Variants in CHRND observed in about 807,000 individuals in gnomAD.
CHRND encodes the protein cholinergic receptor nicotinic delta subunit, also known as acetylcholine receptor subunit delta.
In CHRND, 40 loss-of-function variants were observed where a neutral mutation model predicts 57.8. The observed-to-expected ratio is 0.69, with a 90% confidence interval of 0.54 to 0.90. CHRND has a LOEUF of 0.90. Among genes scored for constraint, CHRND ranks in the 40% least tolerant of loss-of-function variants. The pLI is 0.00. For synonymous variants in CHRND, 237 were observed against 270.6 expected, an observed-to-expected ratio of 0.88 and a Z score of 1.22; for missense variants, 634 against 673.9, an observed-to-expected ratio of 0.94 and a Z score of 0.66.
chr2:232,535,030 A>G, intron 11 of CHRND, 100 bp from the exon 12 acceptor site: 1 of 1,438,672 alleles, frequency 7.0e-7, no homozygotes, highest in African/African-American at 1.4e-5. Flanking sequence ...CTGCAGGCAC[A>G]CTGAGCCGCC....
At chr2:232,526,328 C>A in intron 1 of CHRND, 61 bp downstream of exon 1, 1 of 1,565,444 alleles carries the variant, frequency 6.4e-7, no homozygotes, top group East Asian at 2.3e-5. Flanking sequence ...GGCCCCACAC[C>A]GCATGGCTCC....
chr2:232,533,659 CACG>C (rs1382781801), intron 9 of CHRND, among the ~76,000 whole-genome samples: 1 of 152,196 alleles, frequency 6.6e-6, no homozygotes, highest in African/African-American at 2.4e-5. Context: ...TCAGGCAGAT[CACG>C]AGGTCAGGAG....
In CHRND at chr2:232,535,335, G is replaced by A; in HGVS notation, c.*23G>A. The A allele has an allele frequency of 1.2e-6, 2 of 1,610,452 alleles. No individual in the cohort carries two copies. Among genetic ancestry groups the A allele is most frequent in the South Asian group, 1.1e-5 (1 of 91,080 alleles). ...TAGGGTGGGCCTGTTGGGGAGCCAGGAGACAGCAGGGTCTGAGAGAGGAGC... is the reference window on the plus strand; with the variant it reads ...TAGGGTGGGCCTGTTGGGGAGCCAGAAGACAGCAGGGTCTGAGAGAGGAGC... On this transcript the variant is annotated 3_prime_UTR_variant, in exon 12 of 12. Coordinates refer to ENST00000258385, the MANE Select transcript of CHRND (RefSeq NM_000751.3).
chr2:232,530,049 C>T lies in CHRND; in HGVS notation c.730C>T (p.Arg244Cys), dbSNP rs376642208. The T allele has an allele frequency of 2.6e-5, 42 of 1,614,030 alleles. No individual in the cohort carries two copies. The highest frequency in any genetic ancestry group is 3.1e-5 in the Non-Finnish European group (37 of 1,180,038). Residue 244 changes from arginine to cysteine, a missense_variant, in exon 7 of 12, where the codon CGC (arginine) becomes TGC (cysteine). Arg to Cys is a radical substitution (Grantham distance 180). Coordinates refer to ENST00000258385, the MANE Select transcript of CHRND (RefSeq NM_000751.3). Reference protein sequence around the residue: ...QDITFYLIIRRKPLFYIINIL... With the variant: ...QDITFYLIIRCKPLFYIINIL... ...CATCACCTTCTACCTCATCATCCGCCGCAAGCCCCTCTTCTACATCATCAA... is the reference window on the plus strand; with the variant it reads ...CATCACCTTCTACCTCATCATCCGCTGCAAGCCCCTCTTCTACATCATCAA...
chr2:232,531,188 C>G (rs924184184), intron 7 of CHRND, among the ~76,000 whole-genome samples, 164 bp from the exon 8 acceptor site: 1 of 152,172 alleles, frequency 6.6e-6, no homozygotes, highest in Non-Finnish European at 1.5e-5. Context: ...GATATTTGCA[C>G]CCAGGCACTC....
intron 11 of CHRND, 106 bp downstream of exon 11, chr2:232,534,448 A>G: frequency 9.0e-7 from 1 of 1,116,498 alleles, no homozygotes; most frequent in South Asian, 1.3e-5. Flanking sequence ...ACACCAACTT[A>G]GATGAGGGAG....
intron 2 of CHRND, 31 bp from the exon 3 acceptor site, chr2:232,527,370 C>T (rs747893094): frequency 2.9e-5 from 45 of 1,573,818 alleles, no homozygotes; most frequent in Non-Finnish European, 3.8e-5. Flanking sequence ...ATGATATGGC[C>T]CTGAAGGATG....
Position 232,533,831 on chromosome 2 carries a change from C to G in CHRND, c.1048-100C>G, listed in dbSNP as rs553242099. 39 of 1,220,432 alleles carry G rather than the reference C, an allele frequency of 3.2e-5. No individual in the cohort carries two copies. In the South Asian group the frequency reaches 4.6e-4, roughly 14 times the overall value. The allele number at this position is 1,220,432 out of a possible 1,614,324, so 75.6% of individuals were successfully genotyped here. Reference sequence around the variant, plus strand: ...GGTGGAGGTTGCAGTGAGCCGAGATCGCGCCACTGCACTCCAGCCTGGTGA... The same window carrying G: ...GGTGGAGGTTGCAGTGAGCCGAGATGGCGCCACTGCACTCCAGCCTGGTGA... On this transcript the variant is annotated intron_variant, in intron 9 of 11. Coordinates refer to ENST00000258385, the MANE Select transcript of CHRND (RefSeq NM_000751.3).
intron 9 of CHRND, among the ~76,000 whole-genome samples, chr2:232,532,581 G>A (rs1691746829): frequency 1.3e-5 from 2 of 152,102 alleles, no homozygotes; most frequent in Non-Finnish European, 2.9e-5. Flanking sequence ...GCTCAGCCGT[G>A]CAGAAGCACC....
chr2:232,532,092 G>C (rs1469741953), intron 9 of CHRND, among the ~76,000 whole-genome samples: 2 of 151,930 alleles, frequency 1.3e-5, no homozygotes, highest in African/African-American at 2.4e-5. Context: ...CCAGGAGTTG[G>C]AGGTTGCAAT....
In CHRND at chr2:232,531,353, T is replaced by G. The variant is rs746002657; in HGVS notation, c.822T>G (p.Ser274Arg). ...VNLVFYLPAD[S>R]GEKTSVAISV... ...CACAGCTAAGTCTGGCTTCCCCAGG[T>G]GGTGAGAAGACATCAGTGGCCATCT... The change falls in exon 8 of 12, where the codon AGT becomes AGG. Residue 274 changes from serine to arginine, a missense_variant and splice_region_variant. Ser to Arg is a moderately radical substitution (Grantham distance 110, BLOSUM62 -1). Transcript: ENST00000258385. 4 of 1,611,150 alleles carry G rather than the reference T, an allele frequency of 2.5e-6. No individual in the cohort carries two copies. The East Asian group carries it at 8.9e-5, about 36-fold the overall frequency.
In CHRND at chr2:232,526,167, A is replaced by C; in HGVS notation, c.-49A>C. On this transcript the variant is annotated 5_prime_UTR_variant, in exon 1 of 12. Coordinates refer to ENST00000258385, the MANE Select transcript of CHRND (RefSeq NM_000751.3). ...CCTCTCCCGCCCACCCTCATTCCACAGCCCTGTAGACAGGAGGGGCAGATG... is the reference window on the plus strand; with the variant it reads ...CCTCTCCCGCCCACCCTCATTCCACCGCCCTGTAGACAGGAGGGGCAGATG... 6.9e-7 allele frequency: 1 copy of C among 1,449,960 alleles called. No individual in the cohort carries two copies. The highest frequency in any genetic ancestry group is 9.6e-7 in the Non-Finnish European group (1 of 1,037,964). 89.8% of individuals were successfully genotyped at this position (1,449,960 alleles called of 1,614,324 possible).
intron 7 of CHRND, 32 bp downstream of exon 7, chr2:232,530,171 C>G (rs368783371): frequency 1.9e-6 from 3 of 1,605,572 alleles, no homozygotes; most frequent in South Asian, 2.2e-5. Context: ...CCTGCTCCCC[C>G]TCCCCAAGCC....
Position 232,535,585 on chromosome 2 carries a change from C to T in CHRND, c.*273C>T. 1 of 628,678 alleles carries T rather than the reference C, an allele frequency of 1.6e-6. No homozygotes were observed. Among genetic ancestry groups the T allele is most frequent in the Non-Finnish European group, 2.9e-6 (1 of 340,190 alleles). The allele number at this position is 628,678 out of a possible 1,614,324, so 38.9% of individuals were successfully genotyped here. On this transcript the variant is annotated 3_prime_UTR_variant, in exon 12 of 12. Transcript: ENST00000258385. Reference sequence around the variant, plus strand: ...CTGGCTCAGGGGCCAGGGAGGAGGCCACTCAGGGTGGCCTCAGGGGGAGAG... The same window carrying T: ...CTGGCTCAGGGGCCAGGGAGGAGGCTACTCAGGGTGGCCTCAGGGGGAGAG...
intron 2 of CHRND, 91 bp from the exon 3 acceptor site, chr2:232,527,310 A>AAAGGAG: frequency 1.1e-6 from 1 of 913,016 alleles, no homozygotes; most frequent in Non-Finnish European, 1.8e-6. Context: ...TGGAAAAAAA[A>AAAGGAG]AGAGAGAGAG....
At chr2:232,531,311 G>A (rs1487503443) in intron 7 of CHRND, 41 bp from the exon 8 acceptor site, 1 of 1,292,116 alleles carries the variant, frequency 7.7e-7, no homozygotes. Context: ...GACCCTCTAG[G>A]ACCGGTGCCC....
chr2:232,533,207 G>T (rs1053466485), intron 9 of CHRND, among the ~76,000 whole-genome samples: 2 of 152,064 alleles, frequency 1.3e-5, no homozygotes, highest in African/African-American at 2.4e-5. Flanking sequence ...TTTTAGTAGC[G>T]ATGGGTTTCA....
intron 11 of CHRND, 145 bp downstream of exon 11, chr2:232,534,487 C>T (rs186532332): frequency 3.6e-5 from 32 of 877,226 alleles, no homozygotes; most frequent in African/African-American, 2.3e-4. Context: ...CAGGCCCCCC[C>T]GCCAGGGAGA....
rs112940737 is a variant in CHRND at position 232,535,677 on chromosome 2, C to A, written c.*365C>A. The A allele has an allele frequency of 5.4e-4, 261 of 480,684 alleles. 1 individual carries two copies. The highest frequency in any genetic ancestry group is 4.3e-3 in the African/African-American group (222 of 51,340). The allele number at this position is 480,684 out of a possible 1,614,324, so 29.8% of individuals were successfully genotyped here. On this transcript the variant is annotated 3_prime_UTR_variant, in exon 12 of 12. Transcript: ENST00000258385. ...TCCTCCCCCAAGGTGTGGGGTAGAG[C>A]AGGCAGGAATCTGCGCCTTCACTCT... is the stretch of plus-strand genomic sequence containing the variant.
Sources: allele counts gnomAD v4.1 joint callset (sites outside exome capture counted in the v4.1 genomes callset), GRCh38; gene constraint gnomAD v4.1.1; transcripts MANE v1.5; gene names NCBI Gene and HGNC (gene_info 2026-07-23, HGNC 2026-07-21).